Variants in USP42 observed in about 807,000 individuals in gnomAD.
USP42 encodes the protein ubiquitin specific peptidase 42.
USP42 carries 23 observed loss-of-function variants against 113.0 expected under a neutral mutation model. The observed-to-expected ratio is 0.20, with a 90% CI of 0.15 to 0.29. The LOEUF (loss-of-function observed/expected upper bound fraction) is 0.29, where lower values mean the gene tolerates loss of function less well. Among genes scored for constraint, USP42 ranks in the 10% least tolerant of loss-of-function variants. The pLI, the probability that USP42 is intolerant of heterozygous loss-of-function variation, is 1.00. For synonymous variants in USP42, 933 were observed against 699.0 expected (o/e 1.33, Z -5.28); for missense variants, 2,174 against 1,779.8 (o/e 1.22, Z -3.99).
the USP42 span, among the ~76,000 whole-genome samples, chr7:6,083,223 CTTATTTATTTATTTATTTATTTAT>C: frequency 9.9e-4 from 130 of 130,852 alleles, no homozygotes; most frequent in Non-Finnish European, 1.4e-3. Context: ...CCGCACCCAG[CTTATTTATTTATTTATTTATTTAT>C]TTATTTATTT....
chr7:6,109,944 A>G (rs973396054), intron 1 of USP42, among the ~76,000 whole-genome samples: 1 of 150,476 alleles, frequency 6.6e-6, no homozygotes, highest in Admixed American at 6.6e-5. Context: ...CAGGTGATTC[A>G]CCTGCCTCGG....
rs780149997 is a variant in USP42, at chr7:6,147,811, C to T, written c.1305C>T (p.Pro435=). 1.7e-5 allele frequency: 28 copies of T among 1,613,686 alleles called. No homozygotes were observed. Among genetic ancestry groups the T allele is most frequent in the East Asian group, 2.2e-5 (1 of 44,880 alleles). The change falls in exon 12 of 18, where the codon CCC becomes CCT. Residue 435 remains proline (P), a synonymous_variant. Transcript: ENST00000306177. ...THSPGQSSPR[P]VISQRVVTNK... Reference sequence around the variant, plus strand: ...GCCCCGGCCAGTCCTCTCCCCGCCCCGTCATCAGTCAGCGGGTTGTCACCA... The same window carrying T: ...GCCCCGGCCAGTCCTCTCCCCGCCCTGTCATCAGTCAGCGGGTTGTCACCA...
Position 6,157,379 on chromosome 7 carries a change from GTTTTA to G in USP42, c.3943+343_3943+347del, listed in dbSNP as rs748022693. ...GGACCAGAACTCTTGGTTTGGTTTG[GTTTTA>G]TTTTATTTTATTTTATTTATTTTAT... On this transcript the variant is annotated intron_variant, in intron 16 of 17. Transcript: ENST00000306177. This position sits in a 1 kb window ranked among gnomAD's most constrained non-coding sequence, Gnocchi z 4.1. 1,909 of 1,023,832 alleles carry G rather than the reference GTTTTA, an allele frequency of 1.9e-3. 9 individuals carry two copies. The highest frequency in any genetic ancestry group is 0.016 in the East Asian group (188 of 11,568). The allele number at this position is 1,023,832 out of a possible 1,614,324, so 63.4% of individuals were successfully genotyped here.
rs1782339170 is a variant in USP42 at position 6,154,862 on chromosome 7, G to A, written c.3308G>A (p.Cys1103Tyr). 2 of 1,527,710 alleles carry A rather than the reference G, an allele frequency of 1.3e-6. No individual in the cohort carries two copies. The highest frequency in any genetic ancestry group is 2.5e-5 in the East Asian group (1 of 39,718). The allele number at this position is 1,527,710 out of a possible 1,614,324, so 94.6% of individuals were successfully genotyped here. The change falls in exon 15 of 18, where the codon TGC (cysteine) becomes TAC (tyrosine). Residue 1103 changes from cysteine to tyrosine, a missense_variant. Transcript: ENST00000306177. ...HKDHNRGRRG[C>Y]EPARERERHR... ...GACCACAACCGGGGCCGTAGGGGCT[G>A]CGAGCCGGCCCGGGAGAGGGAGCGG...
chr7:6,109,985 A>T (rs376435812), intron 1 of USP42, among the ~76,000 whole-genome samples: 1 of 151,028 alleles, frequency 6.6e-6, no homozygotes, highest in East Asian at 2.0e-4. Context: ...ACAGGTGTGC[A>T]CCACCATGCC....
chr7:6,085,622 A>ATTTT, the USP42 span, among the ~76,000 whole-genome samples: 62 of 139,862 alleles, frequency 4.4e-4, no homozygotes, highest in African/African-American at 1.6e-3. Flanking sequence ...ATATATATAT[A>ATTTT]TATTTTTTTT....
Position 6,140,069 on chromosome 7 carries a change from C to T in USP42, c.657-59C>T, listed in dbSNP as rs758537358. ...AGCTCCCATGTGTTTGAAATCTGGT[C>T]ACAGCATCTGGAGTTTTTGCAAAGC... On this transcript the variant is annotated intron_variant, in intron 5 of 17. Transcript: ENST00000306177. The T allele has an allele frequency of 3.4e-6, 5 of 1,463,254 alleles. No homozygotes were observed. In the South Asian group the frequency reaches 4.5e-5, roughly 13 times the overall value. 90.6% of individuals were successfully genotyped at this position (1,463,254 alleles called of 1,614,324 possible). A position where few individuals can be genotyped will look rare whatever the true frequency, so the allele number is the denominator to read the frequency against.
At position 6,156,777 on chromosome 7, in the gene USP42, C is replaced by T. The variant is rs200556017; in HGVS notation, c.3665C>T (p.Ser1222Leu). ...DSRHQQDSDL[S>L]AACSDADLHR... ...AGGCATCAGCAGGACTCAGACCTCTCAGCAGCGTGCTCTGACGCTGACCTC... is the reference window on the plus strand; with the variant it reads ...AGGCATCAGCAGGACTCAGACCTCTTAGCAGCGTGCTCTGACGCTGACCTC... Residue 1222 changes from serine (S) to leucine (L), a missense_variant, in exon 16 of 18, where the codon TCA becomes TTA. Transcript: ENST00000306177. 1.3e-6 allele frequency: 2 copies of T among 1,571,112 alleles called. No individual in the cohort carries two copies. The highest frequency in any genetic ancestry group is 1.4e-5 in the African/African-American group (1 of 73,032).
At chr7:6,099,498 G>A in the USP42 span, among the ~76,000 whole-genome samples, 2 of 150,598 alleles carry the variant, frequency 1.3e-5, 1 homozygote, top group African/African-American at 5.0e-5. Flanking sequence ...ACAGGCGTGA[G>A]CCACTGTGCC....
At position 6,159,724 on chromosome 7, in the gene USP42, C is replaced by T. The variant is rs1165297255; in HGVS notation, c.*36+231C>T. ...TGCATTACTGGCTGGGGAAGACCCG[C>T]ATCCTTCACGCAGGCAGAGTCGCCC... On this transcript the variant is annotated intron_variant, in intron 17 of 17. Transcript: ENST00000306177. The surrounding 1 kb of genome is among the most constrained non-coding windows in gnomAD (Gnocchi z 4.1). 6.6e-6 allele frequency among the ~76,000 whole-genome samples: 1 copy of T among 152,254 alleles called. No homozygotes were observed. The highest frequency in any genetic ancestry group is 2.4e-5 in the African/African-American group (1 of 41,464).
chr7:6,111,536 C>A (rs979696363), intron 2 of USP42, among the ~76,000 whole-genome samples, 162 bp downstream of exon 2: 9 of 151,904 alleles, frequency 5.9e-5, no homozygotes, highest in Non-Finnish European at 8.8e-5. Context: ...GTTACTTGTT[C>A]GTCATTGACT....
chr7:6,093,112 G>T, the USP42 span: 2 of 149,962 alleles, frequency 1.3e-5, no homozygotes, highest in Admixed American at 6.7e-5. Flanking sequence ...GTAAACGGAA[G>T]GTACTCTTTC....
upstream of USP42, among the ~76,000 whole-genome samples, chr7:6,102,219 G>A (rs192814605): frequency 0.011 from 1,596 of 146,940 alleles, 103 homozygotes; most frequent in African/African-American, 0.039. Flanking sequence ...AGGTTCAAGC[G>A]ATTCTCCTGC....
intron 10 of USP42, among the ~76,000 whole-genome samples, chr7:6,145,870 G>C (rs1781689632): frequency 6.6e-6 from 1 of 152,162 alleles, no homozygotes; most frequent in African/African-American, 2.4e-5. Context: ...AGGAGTTCAA[G>C]ACCAACCTGG....
chr7:6,145,793 G>A, intron 10 of USP42, 137 bp downstream of exon 10: 1 of 1,025,718 alleles, frequency 9.7e-7, no homozygotes, highest in Non-Finnish European at 1.4e-6. Context: ...CTCTTGGCCG[G>A]GCGCAGTGGC....
rs759472526 is a variant in USP42, at chr7:6,153,820, G to A, written c.2266G>A (p.Ala756Thr). Residue 756 changes from alanine (A) to threonine (T), a missense_variant, in exon 15 of 18, where the codon GCC (alanine) becomes ACC (threonine). Ala to Thr is a moderately conservative substitution (Grantham distance 58). Transcript: ENST00000306177. Reference protein sequence around the residue: ...RDAEPQPGSPAAESLEEPDAA... With the variant: ...RDAEPQPGSPTAESLEEPDAA... ...CGCCGAGCCTCAGCCTGGCAGCCCC[G>A]CCGCCGAATCCCTGGAGGAGCCAGA... The A allele has an allele frequency of 6.5e-7, 1 of 1,531,242 alleles. No homozygotes were observed. The highest frequency in any genetic ancestry group is 1.4e-5 in the African/African-American group (1 of 71,680). The allele number at this position is 1,531,242 out of a possible 1,614,324, so 94.9% of individuals were successfully genotyped here.
intron 3 of USP42, chr7:6,116,640 T>C (rs961251494): frequency 2.3e-5 from 9 of 392,060 alleles, no homozygotes; most frequent in Non-Finnish European, 3.9e-5. Flanking sequence ...TTTTTTTCCC[T>C]CCAAAGAGCC....
At chr7:6,113,463 A>G (rs1319564930) in intron 2 of USP42, among the ~76,000 whole-genome samples, 1 of 151,792 alleles carries the variant, frequency 6.6e-6, no homozygotes, top group African/African-American at 2.4e-5. Flanking sequence ...TGGGGCTCTC[A>G]TCTCATTCTC....
intron 3 of USP42, among the ~76,000 whole-genome samples, chr7:6,122,578 C>G (rs1199216695): frequency 1.3e-5 from 2 of 152,050 alleles, no homozygotes; most frequent in Non-Finnish European, 2.9e-5. Flanking sequence ...TCAAGCGATT[C>G]TCCTGCCTCG....
Sources: allele counts gnomAD v4.1 joint callset (sites outside exome capture counted in the v4.1 genomes callset), GRCh38; gene constraint gnomAD v4.1.1; non-coding constraint Gnocchi (gnomAD v3.1); transcripts MANE v1.5; gene names NCBI Gene and HGNC (gene_info 2026-07-23, HGNC 2026-07-21).